The following TENM3 variants were observed in gnomAD, a reference collection of about 807,000 sequenced individuals.
TENM3 encodes teneurin-3.
A neutral mutation model predicts 255.1 loss-of-function variants in TENM3; 63 were observed. That is an observed-to-expected ratio of 0.25 (90% CI 0.20 to 0.30). The LOEUF is 0.30. Among genes scored for constraint, TENM3 ranks in the 10% least tolerant of loss-of-function variants. TENM3 has a pLI of 1.00. For missense variants in TENM3, 2,929 were observed against 3,461.1 expected (o/e 0.85, Z 3.86); for synonymous variants, 1,306 against 1,322.3 (o/e 0.99, Z 0.27).
At chr4:181,853,797 T>C in the TENM3 span, among the ~76,000 whole-genome samples, 44 of 152,356 alleles carry the variant, frequency 2.9e-4, no homozygotes, top group African/African-American at 1.0e-3. Flanking sequence ...CTTTGGCAGA[T>C]TGCTCTGCCC....
chr4:182,265,794 C>G (rs1231354955), intron 1 of TENM3, among the ~76,000 whole-genome samples: 1 of 152,138 alleles, frequency 6.6e-6, no homozygotes, highest in Non-Finnish European at 1.5e-5. Context: ...GTGCTTAAAT[C>G]AGATATTTTA....
the TENM3 span, among the ~76,000 whole-genome samples, chr4:181,488,483 A>T: frequency 2.0e-5 from 3 of 152,182 alleles, no homozygotes; most frequent in African/African-American, 7.2e-5. Flanking sequence ...TTCAGCAATC[A>T]GCAGTACTTA....
intron 1 of TENM3, among the ~76,000 whole-genome samples, chr4:182,203,974 G>T (rs1227837341): frequency 1.3e-5 from 2 of 152,188 alleles, no homozygotes; most frequent in Non-Finnish European, 2.9e-5. Context: ...ACATGGATTC[G>T]AGAAGGGAGG....
chr4:181,951,301 G>T, the TENM3 span, among the ~76,000 whole-genome samples: 1 of 151,922 alleles, frequency 6.6e-6, no homozygotes, highest in Non-Finnish European at 1.5e-5. Flanking sequence ...TTTTACTTTT[G>T]TTAACCCTGG....
chr4:181,563,193 C>CA, the TENM3 span, among the ~76,000 whole-genome samples: 1 of 152,182 alleles, frequency 6.6e-6, no homozygotes, highest in African/African-American at 2.4e-5. Flanking sequence ...AAGGTGTCGT[C>CA]AGCAGGGCTG....
chr4:181,508,335 C>T, the TENM3 span, among the ~76,000 whole-genome samples: 1 of 152,192 alleles, frequency 6.6e-6, no homozygotes, highest in Non-Finnish European at 1.5e-5. Context: ...TCATGTTTCA[C>T]TCAGTTTCAC....
chr4:182,556,982 C>T (rs1394138594), intron 3 of TENM3, among the ~76,000 whole-genome samples: 1 of 152,120 alleles, frequency 6.6e-6, no homozygotes, highest in Admixed American at 6.5e-5. Flanking sequence ...ATTCCTGCAG[C>T]CAGTTTTTAA....
At chr4:181,448,577 A>G in the TENM3 span, among the ~76,000 whole-genome samples, 1 of 152,222 alleles carries the variant, frequency 6.6e-6, no homozygotes, top group Admixed American at 6.5e-5. Flanking sequence ...AAAAAAATCT[A>G]TAACAAGTGT....
intron 1 of TENM3, among the ~76,000 whole-genome samples, chr4:182,313,927 C>T (rs903093926): frequency 4.6e-5 from 7 of 152,180 alleles, no homozygotes; most frequent in African/African-American, 1.7e-4. Flanking sequence ...CATCCTTCAG[C>T]CAGAGAGATC....
chr4:182,777,509 TTATG>T (rs1271700059), intron 24 of TENM3, among the ~76,000 whole-genome samples: 3,499 of 120,062 alleles, frequency 0.029, 168 homozygotes, highest in African/African-American at 0.1. Flanking sequence ...CATAATGTGT[TTATG>T]TGTGTGTGTG....
chr4:182,632,639 A>G (rs958991725), intron 5 of TENM3, among the ~76,000 whole-genome samples: 5 of 152,052 alleles, frequency 3.3e-5, no homozygotes, highest in Admixed American at 3.3e-4. Flanking sequence ...AATTAAGGAT[A>G]TGAATTTTTT....
chr4:182,263,135 G>C (rs562525842), intron 1 of TENM3, among the ~76,000 whole-genome samples: 1 of 152,082 alleles, frequency 6.6e-6, no homozygotes, highest in African/African-American at 2.4e-5. Context: ...ACCGCGAAGG[G>C]ACTGTAGTGC....
At chr4:182,056,926 T>C in the TENM3 span, among the ~76,000 whole-genome samples, 3 of 151,796 alleles carry the variant, frequency 2.0e-5, no homozygotes, top group African/African-American at 7.3e-5. Context: ...AACAACAAAG[T>C]GCAGAGTGAA....
the TENM3 span, among the ~76,000 whole-genome samples, chr4:181,728,427 T>A: frequency 1.3e-5 from 2 of 152,186 alleles, no homozygotes; most frequent in Non-Finnish European, 2.9e-5. Flanking sequence ...GATTATATGC[T>A]AAACAAGGAG....
At chr4:181,673,866 G>A in the TENM3 span, among the ~76,000 whole-genome samples, 4,682 of 150,100 alleles carry the variant, frequency 0.031, 231 homozygotes, top group African/African-American at 0.11. Context: ...GTGTGTGTGT[G>A]TGTGTGTGTG....
the TENM3 span, among the ~76,000 whole-genome samples, chr4:182,106,381 A>G: frequency 6.6e-6 from 1 of 152,308 alleles, no homozygotes; most frequent in African/African-American, 2.4e-5. Context: ...GGATCACTTG[A>G]GCCCGGAAGT....
At chr4:182,578,143 A>T (rs1745120238) in intron 3 of TENM3, among the ~76,000 whole-genome samples, 1 of 151,856 alleles carries the variant, frequency 6.6e-6, no homozygotes, top group South Asian at 2.1e-4. Flanking sequence ...CGCCCAGCTA[A>T]TTTTTGTATT....
the TENM3 span, among the ~76,000 whole-genome samples, chr4:181,732,244 T>G: frequency 1.3e-5 from 2 of 152,060 alleles, no homozygotes; most frequent in Non-Finnish European, 2.9e-5. Flanking sequence ...AGAAAAGAGG[T>G]ACATCAACTG....
chr4:182,137,329 C>A, the TENM3 span, among the ~76,000 whole-genome samples: 1 of 71,130 alleles, frequency 1.4e-5, no homozygotes, highest in Non-Finnish European at 3.5e-5. Context: ...TCTTCTCTGC[C>A]ACCTCCCCCC....
Sources: gnomAD v4.1 joint callset for allele counts (sites outside exome capture counted in the v4.1 genomes callset) on GRCh38, gnomAD v4.1.1 for gene constraint, MANE v1.5 for transcripts, NCBI Gene and HGNC (gene_info 2026-07-23, HGNC 2026-07-21) for gene names.